Variants in GALNS observed in about 807,000 individuals in gnomAD.
GALNS encodes the protein N-acetylgalactosamine-6-sulfatase.
In GALNS, 65 loss-of-function variants were observed where a neutral mutation model predicts 65.9. The observed-to-expected ratio is 0.99, with a 90% CI of 0.81 to 1.21. The LOEUF (loss-of-function observed/expected upper bound fraction) is 1.21, where lower values mean the gene tolerates loss of function less well. GALNS is among the 50% of genes most tolerant of loss of function. The pLI is 0.00. For synonymous variants in GALNS, 346 were observed against 288.9 expected, an observed-to-expected ratio of 1.20 and a Z score of -2.00; for missense variants, 776 against 700.7, an observed-to-expected ratio of 1.11 and a Z score of -1.21.
At chr16:88,846,525 T>TC (rs1326910301) in intron 1 of GALNS, among the ~76,000 whole-genome samples, 1 of 148,270 alleles carries the variant, frequency 6.7e-6, no homozygotes, top group African/African-American at 2.5e-5. Context: ...TTTTTTTTTT[T>TC]TTTTTTTTGA....
intron 6 of GALNS, among the ~76,000 whole-genome samples, 155 bp downstream of exon 6, chr16:88,836,046 C>T (rs1417879627): frequency 2.0e-5 from 3 of 150,638 alleles, no homozygotes; most frequent in Admixed American, 6.6e-5. Context: ...CGTCCCCACG[C>T]GTCCCACGGG....
At chr16:88,836,812 G>A (rs1029605624) in intron 5 of GALNS, among the ~76,000 whole-genome samples, 1 of 152,218 alleles carries the variant, frequency 6.6e-6, no homozygotes, top group African/African-American at 2.4e-5. Flanking sequence ...TGGGGGAATG[G>A]GGCTGAGGGC....
rs992667146 is a variant in GALNS at position 88,817,769 on chromosome 16, C to T, written c.1482+238G>A. Among the ~76,000 whole-genome samples the T allele has an allele frequency of 5.3e-5, 8 of 152,274 alleles. No individual in the cohort carries two copies. The East Asian group carries it at 5.8e-4, about 11-fold the overall frequency. ...TCAGCCAGGCAGAGGCCCGGGTGGC[C>T]GGCTGTGGACCTGCGGCTGCCCTGG... On this transcript the variant is annotated intron_variant, in intron 13 of 13. Transcript: ENST00000268695.
rs2142999142 is a variant in GALNS, at chr16:88,832,026, C to T, written c.974G>A (p.Trp325Ter). 6.2e-7 allele frequency: 1 copy of T among 1,613,782 alleles called. No individual in the cohort carries two copies. Among genetic ancestry groups the T allele is most frequent in the Admixed American group, 1.7e-5 (1 of 60,014 alleles). ...EGGMREPALA[W>*]WPGHVTAGQV... ...GCCTGCAGTGACGTGCCCTGGCCAC[C>T]ATGCGAGGGCAGGCTCCCTCATCCC... Residue 325 changes from tryptophan (W) to a stop codon, truncating the protein, a stop_gained, in exon 9 of 14, where the codon TGG becomes TAG. Coordinates refer to ENST00000268695, the MANE Select transcript of GALNS (RefSeq NM_000512.5). LOFTEE classifies it high-confidence loss of function.
rs1020549147 is a variant in GALNS at position 88,850,005 on chromosome 16, C to T, written c.120+6753G>A. ...GTGCAGGCTGGGACGGTACAGCTCC[C>T]TGAGGCCAGCCTGAGGGGGACTGGC... On this transcript the variant is annotated intron_variant, in intron 1 of 13. Coordinates refer to ENST00000268695, the MANE Select transcript of GALNS (RefSeq NM_000512.5). Among the ~76,000 whole-genome samples, 99 of 152,218 alleles carry T rather than the reference C, an allele frequency of 6.5e-4. 1 individual carries two copies. Among genetic ancestry groups the T allele is most frequent in the African/African-American group, 2.3e-3 (95 of 41,468 alleles).
rs779612747 is a variant in GALNS at position 88,822,752 on chromosome 16, C to T, written c.1243-42G>A. 5.6e-6 allele frequency: 9 copies of T among 1,603,152 alleles called. No homozygotes were observed. In the Admixed American group the frequency reaches 1.5e-4, roughly 27 times the overall value. The stretch of plus-strand genomic sequence containing the variant: ...GAAGGTGTGTCCTGGAGCCCCTGAC[C>T]TGCGGCCGTGAGGGGCCTCGTCTGC... On this transcript the variant is annotated intron_variant, in intron 11 of 13. Coordinates refer to ENST00000268695, the MANE Select transcript of GALNS (RefSeq NM_000512.5).
intron 4 of GALNS, among the ~76,000 whole-genome samples, chr16:88,839,354 C>T (rs953359356): frequency 6.6e-6 from 1 of 152,262 alleles, no homozygotes; most frequent in Non-Finnish European, 1.5e-5. Flanking sequence ...AGCACAAAGG[C>T]CTTGCTCAGG....
intron 1 of GALNS, among the ~76,000 whole-genome samples, chr16:88,850,723 CGCTCGGGCT>C (rs1159520026): frequency 6.6e-6 from 1 of 152,222 alleles, no homozygotes; most frequent in East Asian, 1.9e-4. Flanking sequence ...CCACACGGGA[CGCTCGGGCT>C]GCGAGCACAG....
chr16:88,840,868 A>C, intron 4 of GALNS, 124 bp downstream of exon 4: 1 of 784,058 alleles, frequency 1.3e-6, no homozygotes, highest in Admixed American at 1.9e-5. Flanking sequence ...CACACCCAGA[A>C]TCAGCTGCCG....
chr16:88,814,922 A>G (rs1354330908), intron 13 of GALNS: 3 of 546,780 alleles, frequency 5.5e-6, no homozygotes, highest in South Asian at 1.6e-4. Context: ...TGGTAGAGAC[A>G]AGGGTTCCCC....
chr16:88,832,564 G>A (rs1023596867), intron 8 of GALNS, among the ~76,000 whole-genome samples: 4 of 152,300 alleles, frequency 2.6e-5, no homozygotes, highest in Admixed American at 6.5e-5. Flanking sequence ...CCCCAAGACC[G>A]GATTTTGGTT....
chr16:88,852,426 A>G (rs901003475), intron 1 of GALNS, among the ~76,000 whole-genome samples: 9 of 152,252 alleles, frequency 5.9e-5, no homozygotes, highest in Non-Finnish European at 1.3e-4. Flanking sequence ...AAAGATGGGG[A>G]GAAACCAGAG....
intron 1 of GALNS, among the ~76,000 whole-genome samples, chr16:88,848,801 A>ATGGGCGC (rs1325582372): frequency 6.6e-6 from 1 of 152,100 alleles, no homozygotes; most frequent in Non-Finnish European, 1.5e-5. Flanking sequence ...TGCTGGAGGG[A>ATGGGCGC]TGGGCGCTGG....
At chr16:88,826,553 A>T in intron 10 of GALNS, 149 bp downstream of exon 10, 2 of 932,280 alleles carry the variant, frequency 2.1e-6, no homozygotes, top group Non-Finnish European at 3.2e-6. Context: ...CTCTCGTCTC[A>T]GGCACCCCTG....
At chr16:88,815,770 G>A in intron 13 of GALNS, 2 of 985,434 alleles carry the variant, frequency 2.0e-6, no homozygotes, top group Non-Finnish European at 2.4e-6. Context: ...TGCCCCCTTG[G>A]CCACCAGAGC....
Position 88,845,840 on chromosome 16 carries a change from A to AT in GALNS, c.121-3012_121-3011insA, listed in dbSNP as rs1489579344. Among the ~76,000 whole-genome samples the AT allele has an allele frequency of 8.2e-4, 124 of 151,788 alleles. 1 individual carries two copies. The highest frequency in any genetic ancestry group is 2.8e-3 in the African/African-American group (115 of 41,400). ...GACTCCAACTCTAAAAAAAAAAAAA[A>AT]AGCCAAGTGTGGTGGTGTGTACCTG... On this transcript the variant is annotated intron_variant, in intron 1 of 13. Coordinates refer to ENST00000268695, the MANE Select transcript of GALNS (RefSeq NM_000512.5).
chr16:88,825,819 G>A (rs1468557720), intron 10 of GALNS, among the ~76,000 whole-genome samples: 1 of 152,122 alleles, frequency 6.6e-6, no homozygotes, highest in Non-Finnish European at 1.5e-5. Flanking sequence ...CTTGTGCCAG[G>A]TCTCGAGAGG....
At position 88,824,644 on chromosome 16, in the gene GALNS, G is replaced by A; in HGVS notation, c.1242+123C>T. On this transcript the variant is annotated intron_variant, in intron 11 of 13. Coordinates refer to ENST00000268695, the MANE Select transcript of GALNS (RefSeq NM_000512.5). Reference sequence around the variant, plus strand: ...GACTGGGGGCCACACAGAGAAGGCTGTGGAGGGGGTGGAGTTCCTGCCTGT... The same window carrying A: ...GACTGGGGGCCACACAGAGAAGGCTATGGAGGGGGTGGAGTTCCTGCCTGT... The A allele has an allele frequency of 6.4e-6, 5 of 781,266 alleles. No homozygotes were observed. The East Asian group carries it at 1.0e-4, about 16-fold the overall frequency. 48.4% of individuals were successfully genotyped at this position (781,266 alleles called of 1,614,324 possible).
At chr16:88,850,203 T>C (rs1476638005) in intron 1 of GALNS, among the ~76,000 whole-genome samples, 7 of 152,288 alleles carry the variant, frequency 4.6e-5, no homozygotes, top group Non-Finnish European at 2.9e-5. Context: ...CCCGTTACAC[T>C]GTCTGCCCAT....
Sources: allele counts gnomAD v4.1 joint callset (sites outside exome capture counted in the v4.1 genomes callset), GRCh38; gene constraint gnomAD v4.1.1; transcripts MANE v1.5; gene names NCBI Gene and HGNC (gene_info 2026-07-23, HGNC 2026-07-21).